Variants in TIAM1 observed in about 807,000 individuals in gnomAD.
TIAM1 encodes the protein rho guanine nucleotide exchange factor TIAM1.
In TIAM1, 65 loss-of-function variants were observed where a neutral mutation model predicts 163.5. That is an observed-to-expected ratio of 0.40 (90% CI 0.33 to 0.49). TIAM1 has a LOEUF of 0.49. Ranked by LOEUF, TIAM1 falls within the 20% of genes least tolerant of loss-of-function variation. TIAM1 has a pLI of 0.77. For missense variants in TIAM1, 1,789 were observed against 2,044.7 expected (o/e 0.87, Z 2.41); for synonymous variants, 833 against 810.1 (o/e 1.03, Z -0.48).
intron 2 of TIAM1, among the ~76,000 whole-genome samples, chr21:31,432,530 T>C (rs2044077354): frequency 6.6e-6 from 1 of 151,984 alleles, no homozygotes; most frequent in Non-Finnish European, 1.5e-5. Flanking sequence ...ATAGTGACCA[T>C]GGCCTTCCCA....
chr21:31,355,659 C>T (rs1476944346), intron 2 of TIAM1, among the ~76,000 whole-genome samples: 1 of 152,036 alleles, frequency 6.6e-6, no homozygotes, highest in African/African-American at 2.4e-5. Context: ...TCAAGCAATG[C>T]TCTTGCCTCC....
At chr21:31,240,592 C>T (rs1156768085) in intron 6 of TIAM1, among the ~76,000 whole-genome samples, 1 of 152,168 alleles carries the variant, frequency 6.6e-6, no homozygotes, top group East Asian at 1.9e-4. Flanking sequence ...CACTAAGCGA[C>T]CTGTCTAGCA....
intron 2 of TIAM1, among the ~76,000 whole-genome samples, chr21:31,392,141 A>T (rs1201543616): frequency 1.3e-5 from 2 of 152,310 alleles, no homozygotes; most frequent in South Asian, 4.1e-4. Flanking sequence ...TTTTCAACTT[A>T]AGGTATTTTC....
chr21:31,346,421 T>A (rs938543611), upstream of TIAM1, among the ~76,000 whole-genome samples: 2 of 152,250 alleles, frequency 1.3e-5, no homozygotes, highest in Non-Finnish European at 2.9e-5. Context: ...CAGGAAAGCA[T>A]CCCGTGGTTT....
At chr21:31,544,692 G>A (rs916566308) in intron 1 of TIAM1, among the ~76,000 whole-genome samples, 1 of 151,602 alleles carries the variant, frequency 6.6e-6, no homozygotes. Flanking sequence ...ATGGTTATGG[G>A]TTGAACTGTA....
At chr21:31,362,484 T>A (rs1182540434) in intron 2 of TIAM1, among the ~76,000 whole-genome samples, 2 of 148,364 alleles carry the variant, frequency 1.3e-5, no homozygotes, top group African/African-American at 5.0e-5. Flanking sequence ...TTATTATATT[T>A]GAGAAAAGGT....
chr21:31,473,977 ATC>A (rs1422700663), intron 1 of TIAM1, among the ~76,000 whole-genome samples: 3 of 152,190 alleles, frequency 2.0e-5, no homozygotes, highest in African/African-American at 7.2e-5. Context: ...TGGCACCAGC[ATC>A]TGTTTCTGGT....
In TIAM1 at chr21:31,120,616, C is replaced by T; in HGVS notation, c.4528G>A (p.Glu1510Lys). Reference sequence around the variant, plus strand: ...GCACCCTTCACGGACTCACAGAACTCATCATCGTCACTGAGGATGTCTGTC... The same window carrying T: ...GCACCCTTCACGGACTCACAGAACTTATCATCGTCACTGAGGATGTCTGTC... ...KETDILSDDD[E>K]FCESVKGASV... is the part of the protein sequence containing the mutation. Residue 1510 changes from glutamate to lysine, a missense_variant, in exon 28 of 28, where the codon GAG (glutamate) becomes AAG (lysine). Coordinates refer to ENST00000541036, the MANE Select transcript of TIAM1 (RefSeq NM_001353694.2). The surrounding 1 kb of genome is among the most constrained non-coding windows in gnomAD (Gnocchi z 4.2). The T allele has an allele frequency of 1.9e-6, 3 of 1,614,180 alleles. No homozygotes were observed. The highest frequency in any genetic ancestry group is 1.7e-6 in the Non-Finnish European group (2 of 1,180,032).
chr21:31,409,958 G>A (rs2077317327), intron 2 of TIAM1, among the ~76,000 whole-genome samples: 1 of 151,810 alleles, frequency 6.6e-6, no homozygotes. Context: ...ATTCCTTTGA[G>A]AGAAAAAAGG....
chr21:31,544,134 T>C (rs9981353), intron 1 of TIAM1, among the ~76,000 whole-genome samples: 65,343 of 150,696 alleles, frequency 0.43, 15,376 homozygotes, highest in East Asian at 0.78. Flanking sequence ...CGCTTGAACC[T>C]GGGAGGCGGA....
chr21:31,451,763 G>C (rs1234041596), intron 2 of TIAM1, among the ~76,000 whole-genome samples: 3 of 135,816 alleles, frequency 2.2e-5, no homozygotes, highest in Middle Eastern at 3.6e-3. Context: ...GTGTGTGTGA[G>C]ACACAGAGAG....
At chr21:31,187,183 G>T in intron 13 of TIAM1, 96 bp from the exon 14 acceptor site, 1 of 1,129,378 alleles carries the variant, frequency 8.9e-7, no homozygotes, top group Non-Finnish European at 1.3e-6. Flanking sequence ...TATGTTTCAT[G>T]TTTGTCATTA....
chr21:31,330,200 C>A (rs1436651943), intron 2 of TIAM1, among the ~76,000 whole-genome samples: 1 of 152,164 alleles, frequency 6.6e-6, no homozygotes, highest in Non-Finnish European at 1.5e-5. Flanking sequence ...GCCTGTTCAT[C>A]CCTCTCTCCT....
intron 15 of TIAM1, among the ~76,000 whole-genome samples, chr21:31,165,705 A>G (rs909094909): frequency 6.6e-6 from 1 of 151,668 alleles, no homozygotes; most frequent in Non-Finnish European, 1.5e-5. Flanking sequence ...TATATACTAA[A>G]AAATTAACTG....
At chr21:31,170,329 C>T (rs1188741975) in intron 15 of TIAM1, among the ~76,000 whole-genome samples, 1 of 152,200 alleles carries the variant, frequency 6.6e-6, no homozygotes, top group African/African-American at 2.4e-5. Flanking sequence ...GCATTTCAAA[C>T]CTATTCCCAA....
At chr21:31,164,456 TCTTA>T (rs2084108380) in intron 16 of TIAM1, among the ~76,000 whole-genome samples, 1 of 152,184 alleles carries the variant, frequency 6.6e-6, no homozygotes, top group African/African-American at 2.4e-5. Flanking sequence ...AGGAGAACTT[TCTTA>T]CTATGTTCAA....
chr21:31,283,596 G>A (rs1006851148), intron 2 of TIAM1, among the ~76,000 whole-genome samples: 3 of 151,680 alleles, frequency 2.0e-5, no homozygotes, highest in Non-Finnish European at 2.9e-5. Context: ...CCAGGCTGGA[G>A]TGCAGTGGCA....
At chr21:31,513,869 T>C (rs2047294053) in intron 1 of TIAM1, among the ~76,000 whole-genome samples, 1 of 151,948 alleles carries the variant, frequency 6.6e-6, no homozygotes. Context: ...TAGCCGGGCA[T>C]GGTGGCATAT....
At chr21:31,252,757 C>T (rs2071882735) in intron 4 of TIAM1, among the ~76,000 whole-genome samples, 1 of 152,230 alleles carries the variant, frequency 6.6e-6, no homozygotes, top group Non-Finnish European at 1.5e-5. Flanking sequence ...TCACCCAGCA[C>T]GGCTCCGTGT....
Sources: allele counts gnomAD v4.1 joint callset (sites outside exome capture counted in the v4.1 genomes callset), GRCh38; gene constraint gnomAD v4.1.1; non-coding constraint Gnocchi (gnomAD v3.1); transcripts MANE v1.5; gene names NCBI Gene and HGNC (gene_info 2026-07-23, HGNC 2026-07-21).